KMT2C: variants seen among roughly 807,000 people sequenced by gnomAD.
KMT2C encodes the protein lysine methyltransferase 2C.
In KMT2C, 88 loss-of-function variants were observed where a neutral mutation model predicts 507.9. The observed-to-expected ratio is 0.17, with a 90% CI of 0.15 to 0.21. KMT2C has a LOEUF of 0.21. KMT2C is among the 10% of genes least tolerant of loss of function. KMT2C has a pLI of 1.00. For missense variants in KMT2C, 4,954 were observed against 5,957.8 expected, an observed-to-expected ratio of 0.83 and a Z score of 5.55; for synonymous variants, 2,049 against 2,080.8, an observed-to-expected ratio of 0.98 and a Z score of 0.42.
At chr7:152,282,813 C>T (rs2096242798) in intron 6 of KMT2C, among the ~76,000 whole-genome samples, 2 of 151,826 alleles carry the variant, frequency 1.3e-5, no homozygotes, top group South Asian at 4.2e-4. Context: ...TATTCACTTG[C>T]TATATATATA....
chr7:152,139,043 A>G (rs2090205503), intron 57 of KMT2C, 139 bp from the exon 58 acceptor site: 12 of 993,382 alleles, frequency 1.2e-5, no homozygotes, highest in Admixed American at 1.0e-4. Flanking sequence ...TAACATTTAA[A>G]TAAAAATTCT....
At chr7:152,309,132 T>G (rs2096647005) in intron 6 of KMT2C, among the ~76,000 whole-genome samples, 1 of 152,148 alleles carries the variant, frequency 6.6e-6, no homozygotes, top group Non-Finnish European at 1.5e-5. Flanking sequence ...TCAAATATTT[T>G]CTTTCATTTT....
At chr7:152,141,111 G>C (rs140266207) in intron 55 of KMT2C, among the ~76,000 whole-genome samples, 6,125 of 150,772 alleles carry the variant, frequency 0.041, 197 homozygotes, top group East Asian at 0.17. Context: ...ATGGTGGCGT[G>C]TGCCTGTAAT....
rs552941856 is a variant in KMT2C at position 152,238,424 on chromosome 7, A to T, written c.2652+283T>A. ...GCAACAAGGTTTTATGATATCATGA[A>T]TGAAAAGGTCCTTAATTACCTTTTG... On this transcript the variant is annotated intron_variant, in intron 15 of 58. Transcript: ENST00000262189. 9.2e-5 allele frequency among the ~76,000 whole-genome samples: 14 copies of T among 152,368 alleles called. No individual in the cohort carries two copies. In the South Asian group the frequency reaches 2.9e-3, roughly 32 times the overall value.
intron 1 of KMT2C, among the ~76,000 whole-genome samples, chr7:152,414,732 G>T (rs1289556325): frequency 6.6e-6 from 1 of 152,066 alleles, no homozygotes; most frequent in African/African-American, 2.4e-5. Flanking sequence ...TAGACCTCAG[G>T]TGATCCACCC....
At chr7:152,387,751 G>T (rs1211369856) in intron 1 of KMT2C, among the ~76,000 whole-genome samples, 1 of 152,144 alleles carries the variant, frequency 6.6e-6, no homozygotes, top group Non-Finnish European at 1.5e-5. Context: ...GATTACAGGC[G>T]TGAGCCACCG....
rs535970276 is a variant in KMT2C, at chr7:152,377,671, G to C, written c.162-18996C>G. ...GAATCGCTTGAACCAGGAGGCAGAGGTTGCACTAAACCAAGATCGCACCAC... is the reference window on the plus strand; with the variant it reads ...GAATCGCTTGAACCAGGAGGCAGAGCTTGCACTAAACCAAGATCGCACCAC... On this transcript the variant is annotated intron_variant, in intron 1 of 58. Transcript: ENST00000262189. Among the ~76,000 whole-genome samples the C allele has an allele frequency of 1.1e-4, 17 of 148,244 alleles. No individual in the cohort carries two copies. In the East Asian group the frequency reaches 3.4e-3, roughly 29 times the overall value.
rs555345618 is a variant in KMT2C, at chr7:152,243,552, C to T, written c.2532+4350G>A. ...ATCCCAGCACTTTGGGAGGACAAGG[C>T]GGGTGGATCACCTGAGGTCAGGAAT... On this transcript the variant is annotated intron_variant, in intron 14 of 58. Coordinates refer to ENST00000262189, the MANE Select transcript of KMT2C (RefSeq NM_170606.3). Among the ~76,000 whole-genome samples, 73 of 152,132 alleles carry T rather than the reference C, an allele frequency of 4.8e-4. No homozygotes were observed. In the East Asian group the frequency reaches 0.011, roughly 22 times the overall value.
rs763465804 is a variant in KMT2C, at chr7:152,205,195, C to T, written c.3872G>A (p.Ser1291Asn). 1 of 1,611,396 alleles carries T rather than the reference C, an allele frequency of 6.2e-7. No homozygotes were observed. The highest frequency in any genetic ancestry group is 2.2e-5 in the East Asian group (1 of 44,834). Reference protein sequence around the residue: ...GIGGFMVRQRSRTGQGKTKRS... With the variant: ...GIGGFMVRQRNRTGQGKTKRS... ...TTTGGTTTTCCCTTGCCCAGTTCGA[C>T]TTCTTTGCCGCACCATAAATCCACC... The change falls in exon 25 of 59, where the codon AGT (serine) becomes AAT (asparagine). Residue 1291 changes from serine to asparagine, a missense_variant. This residue lies in a region of KMT2C where 176 missense variants were observed against 262.0 expected (regional missense o/e 0.67). Transcript: ENST00000262189.
At chr7:152,289,560 A>G (rs2096370654) in intron 6 of KMT2C, among the ~76,000 whole-genome samples, 1 of 152,214 alleles carries the variant, frequency 6.6e-6, no homozygotes, top group Non-Finnish European at 1.5e-5. Flanking sequence ...ACAAACCACA[A>G]TTATTAAAAC....
intron 23 of KMT2C, among the ~76,000 whole-genome samples, chr7:152,219,302 G>A (rs955656351): frequency 6.6e-6 from 1 of 152,028 alleles, no homozygotes; most frequent in Non-Finnish European, 1.5e-5. Context: ...TTTTTACCAT[G>A]GGACTTGCCA....
At chr7:152,382,227 A>G (rs2097380596) in intron 1 of KMT2C, among the ~76,000 whole-genome samples, 1 of 152,216 alleles carries the variant, frequency 6.6e-6, no homozygotes. Flanking sequence ...CTTCATTGAG[A>G]CAAAAGATAC....
In KMT2C at chr7:152,146,653, T is replaced by C. The variant is rs1157153953; in HGVS notation, c.13977A>G (p.Lys4659=). ...CGGTCAGGCCAAACAGATCCTCTCC[T>C]TTTAAATACGCTGGGAAAAGCTGGA... ...EMLQLFPAYL[K]GEDLFGLTVS... The change falls in exon 53 of 59, where the codon AAA becomes AAG. Residue 4659 remains lysine, a synonymous_variant. Coordinates refer to ENST00000262189, the MANE Select transcript of KMT2C (RefSeq NM_170606.3). The C allele has an allele frequency of 6.2e-7, 1 of 1,614,026 alleles. No homozygotes were observed. The highest frequency in any genetic ancestry group is 1.7e-5 in the Admixed American group (1 of 60,002).
chr7:152,237,747 C>G (rs1470919080), intron 15 of KMT2C, among the ~76,000 whole-genome samples: 3 of 151,984 alleles, frequency 2.0e-5, no homozygotes, highest in Non-Finnish European at 2.9e-5. Context: ...GTGATCTGCC[C>G]CCTCAGCCTC....
intron 9 of KMT2C, among the ~76,000 whole-genome samples, chr7:152,255,732 T>A (rs2095650283): frequency 6.6e-6 from 1 of 152,186 alleles, no homozygotes; most frequent in South Asian, 2.1e-4. Context: ...TCTAACATTG[T>A]AGTCTGGAAT....
chr7:152,290,258 G>GTGTGTGTGTATATATA (rs1337492088), intron 6 of KMT2C, among the ~76,000 whole-genome samples: 12 of 26,264 alleles, frequency 4.6e-4, no homozygotes, highest in African/African-American at 1.5e-3. Flanking sequence ...GTGTGTATGT[G>GTGTGTGTGTATATATA]TATATATATA....
At chr7:152,260,153 T>C (rs2095744181) in intron 9 of KMT2C, among the ~76,000 whole-genome samples, 1 of 152,214 alleles carries the variant, frequency 6.6e-6, no homozygotes, top group African/African-American at 2.4e-5. Context: ...CTGAAAAAAC[T>C]GCATTTTGAC....
intron 1 of KMT2C, chr7:152,367,466 C>A: frequency 1.0e-5 from 8 of 784,690 alleles, no homozygotes; most frequent in Non-Finnish European, 1.8e-5. Context: ...AATCTACCCA[C>A]CTCGGCCTCC....
chr7:152,356,233 G>A (rs1026921736), intron 2 of KMT2C, among the ~76,000 whole-genome samples: 1 of 152,146 alleles, frequency 6.6e-6, no homozygotes, highest in Non-Finnish European at 1.5e-5. Context: ...ATGAGAAGGG[G>A]TGTTGGAAGT....
Sources: allele counts gnomAD v4.1 joint callset (sites outside exome capture counted in the v4.1 genomes callset), GRCh38; gene constraint gnomAD v4.1.1; regional missense constraint gnomAD v4.1.1; transcripts MANE v1.5; gene names NCBI Gene and HGNC (gene_info 2026-07-23, HGNC 2026-07-21).